RPH3A: variants seen among roughly 807,000 people sequenced by gnomAD.
RPH3A encodes rabphilin 3A, also known as rabphilin-3A.
A neutral mutation model predicts 102.2 loss-of-function variants in RPH3A; 48 were observed. The observed-to-expected ratio is 0.47, with a 90% CI of 0.37 to 0.60. RPH3A has a LOEUF of 0.60. RPH3A is among the 20% of genes least tolerant of loss of function. RPH3A has a pLI of 0.00. For missense variants in RPH3A, 781 were observed against 910.1 expected, an observed-to-expected ratio of 0.86 and a Z score of 1.83; for synonymous variants, 310 against 324.3, an observed-to-expected ratio of 0.96 and a Z score of 0.47.
intron 1 of RPH3A, among the ~76,000 whole-genome samples, chr12:112,627,324 G>A (rs562580464): frequency 1.6e-3 from 233 of 149,168 alleles, no homozygotes; most frequent in Middle Eastern, 0.011. Flanking sequence ...GTAATATATA[G>A]TATTTATTAC....
chr12:112,825,131 A>G (rs974561278), intron 2 of RPH3A, among the ~76,000 whole-genome samples: 7 of 151,712 alleles, frequency 4.6e-5, no homozygotes, highest in African/African-American at 1.7e-4. Context: ...CTCAGCTCTC[A>G]CCACAGGCAA....
chr12:112,811,554 G>A (rs369153269), intron 2 of RPH3A, among the ~76,000 whole-genome samples: 14 of 149,916 alleles, frequency 9.3e-5, no homozygotes, highest in African/African-American at 3.4e-4. Flanking sequence ...AAAGAGACCT[G>A]ATTACAGCAT....
chr12:112,590,003 A>C (rs1326535545), intron 1 of RPH3A, among the ~76,000 whole-genome samples: 1 of 151,844 alleles, frequency 6.6e-6, no homozygotes, highest in African/African-American at 2.4e-5. Context: ...GGATCGCTTG[A>C]ACCCAGGATG....
At chr12:112,757,645 T>C (rs1263359888) in intron 1 of RPH3A, among the ~76,000 whole-genome samples, 1 of 152,156 alleles carries the variant, frequency 6.6e-6, no homozygotes, top group Non-Finnish European at 1.5e-5. Flanking sequence ...TATGTGCAAT[T>C]ATGATATATC....
At position 112,898,606 on chromosome 12, in the gene RPH3A, C is replaced by T. The variant is rs2043224978; in HGVS notation, c.*1826C>T. ...TTTGACCTTATCTTTCCCCATTAGT[C>T]CCTGGTGGCACCTACTCTCAGCCCA... On this transcript the variant is annotated 3_prime_UTR_variant, in exon 22 of 22. Coordinates refer to ENST00000389385, the MANE Select transcript of RPH3A (RefSeq NM_001143854.2). The T allele has an allele frequency of 6.6e-6, 1 of 152,304 alleles. No homozygotes were observed. Among genetic ancestry groups the T allele is most frequent in the African/African-American group, 2.4e-5 (1 of 41,458 alleles). The allele number at this position is 152,304 out of a possible 1,614,324, so 9.4% of individuals were successfully genotyped here. A position where few individuals can be genotyped will look rare whatever the true frequency, so the allele number is the denominator to read the frequency against.
At chr12:112,875,804 A>G (rs1465408410) in intron 12 of RPH3A, 63 bp downstream of exon 12, 13 of 1,470,678 alleles carry the variant, frequency 8.8e-6, no homozygotes, top group Non-Finnish European at 1.2e-5. Context: ...TCCCTGAGAG[A>G]GAGCAGGCAG....
At chr12:112,757,553 T>A (rs544377263) in intron 1 of RPH3A, among the ~76,000 whole-genome samples, 1 of 152,220 alleles carries the variant, frequency 6.6e-6, no homozygotes. Context: ...GTTGTATACA[T>A]GTATTGAGAT....
At chr12:112,649,523 T>C (rs1472246928) in intron 1 of RPH3A, 1 of 152,202 alleles carries the variant, frequency 6.6e-6, no homozygotes. Flanking sequence ...ATTGCAGGAC[T>C]TGTGTATTCT....
At chr12:112,846,846 C>G (rs544965871) in intron 4 of RPH3A, among the ~76,000 whole-genome samples, 1 of 152,176 alleles carries the variant, frequency 6.6e-6, no homozygotes, top group African/African-American at 2.4e-5. Context: ...GAACCATTGC[C>G]GGGGCCACAG....
At chr12:112,677,628 C>T (rs1052817319) in intron 1 of RPH3A, among the ~76,000 whole-genome samples, 3 of 151,606 alleles carry the variant, frequency 2.0e-5, no homozygotes, top group East Asian at 3.9e-4. Context: ...TGGATGACCT[C>T]GAATAGGTTG....
At chr12:112,593,739 T>A (rs233721) in intron 1 of RPH3A, among the ~76,000 whole-genome samples, 107,305 of 152,074 alleles carry the variant, frequency 0.71, 39,537 homozygotes, top group African/African-American at 0.91. Flanking sequence ...ATAAAATGAG[T>A]TCCAGGGAGA....
At chr12:112,846,304 G>C (rs958237787) in intron 4 of RPH3A, among the ~76,000 whole-genome samples, 1 of 152,200 alleles carries the variant, frequency 6.6e-6, no homozygotes, top group African/African-American at 2.4e-5. Context: ...TGAGCAAGGG[G>C]TTTGAGCAGT....
intron 1 of RPH3A, among the ~76,000 whole-genome samples, chr12:112,722,979 C>T (rs1373071942): frequency 6.6e-6 from 1 of 152,190 alleles, no homozygotes; most frequent in Non-Finnish European, 1.5e-5. Context: ...CAAGGAGACA[C>T]ACTTATTAGA....
At chr12:112,618,292 TCTC>T (rs57974324) in intron 1 of RPH3A, among the ~76,000 whole-genome samples, 9,122 of 152,192 alleles carry the variant, frequency 0.06, 657 homozygotes, top group African/African-American at 0.17. Flanking sequence ...CTCACCTGCT[TCTC>T]CTCCTGTCCC....
intron 1 of RPH3A, among the ~76,000 whole-genome samples, chr12:112,744,833 G>C (rs2040732963): frequency 6.6e-6 from 1 of 152,120 alleles, no homozygotes; most frequent in Non-Finnish European, 1.5e-5. Context: ...TTTCAGTTTT[G>C]TTTCGTTTTG....
chr12:112,894,716 C>A (rs2136274156), intron 20 of RPH3A, 57 bp downstream of exon 20: 3 of 1,393,348 alleles, frequency 2.2e-6, no homozygotes, highest in South Asian at 2.6e-5. Flanking sequence ...GTTAGAGAGG[C>A]ACAAATAGCC....
At chr12:112,878,006 T>C (rs997514219) in intron 13 of RPH3A, among the ~76,000 whole-genome samples, 6 of 152,188 alleles carry the variant, frequency 3.9e-5, no homozygotes, top group Non-Finnish European at 7.3e-5. Context: ...TTGTCCAAGC[T>C]CATCCAGTCA....
intron 1 of RPH3A, among the ~76,000 whole-genome samples, chr12:112,735,974 G>T (rs987333780): frequency 1.3e-5 from 2 of 152,052 alleles, no homozygotes; most frequent in African/African-American, 4.8e-5. Flanking sequence ...TTCTCTAAAC[G>T]TGCCTTGCCC....
intron 1 of RPH3A, among the ~76,000 whole-genome samples, chr12:112,640,846 C>T (rs2039884808): frequency 6.6e-6 from 1 of 152,132 alleles, no homozygotes; most frequent in Non-Finnish European, 1.5e-5. Context: ...TTTTTCTCTC[C>T]TTTCTTTGCC....
Sources: gnomAD v4.1 joint callset for allele counts (sites outside exome capture counted in the v4.1 genomes callset) on GRCh38, gnomAD v4.1.1 for gene constraint, MANE v1.5 for transcripts, NCBI Gene and HGNC (gene_info 2026-07-23, HGNC 2026-07-21) for gene names.